Variants in CPEB1 observed in about 807,000 individuals in gnomAD.
The protein encoded by CPEB1 is cytoplasmic polyadenylation element-binding protein 1.
Under a neutral mutation model 65.8 loss-of-function variants are expected in CPEB1, and 7 were observed. That is an observed-to-expected ratio of 0.11 (90% CI 0.06 to 0.20). The LOEUF is 0.20. CPEB1 is among the 10% of genes least tolerant of loss of function. CPEB1 has a pLI of 1.00. For synonymous variants in CPEB1, 262 were observed against 260.0 expected (o/e 1.01, Z -0.08); for missense variants, 551 against 712.2 (o/e 0.77, Z 2.58).
chr15:82,571,397 C>T lies in CPEB1; in HGVS notation c.407G>A (p.Arg136Gln), dbSNP rs1266113402. ...ATCTGAGTCCTGGGTGCTCCAGGGT[C>T]GGTCCCAGCCTGTCAGACTGAGGGA... Reference protein sequence around the residue: ...LQSLSLTGWDRPWSTQDSDSS... With the variant: ...LQSLSLTGWDQPWSTQDSDSS... The change falls in exon 4 of 13, where the codon CGA (arginine) becomes CAA (glutamine). Residue 136 changes from arginine to glutamine, a missense_variant. Physicochemically the swap from Arg to Gln is conservative, Grantham distance 43. This residue lies in a region of CPEB1 where 223 missense variants were observed against 228.6 expected (regional missense o/e 0.98). Coordinates refer to ENST00000684509, the MANE Select transcript of CPEB1 (RefSeq NM_001365242.1). 4.3e-6 allele frequency: 7 copies of T among 1,614,102 alleles called. No homozygotes were observed. The South Asian group carries it at 5.5e-5, about 13-fold the overall frequency.
chr15:82,544,386 C>A lies in CPEB1; in HGVS notation c.*206G>T. On this transcript the variant is annotated 3_prime_UTR_variant, in exon 13 of 13. Transcript: ENST00000684509. ...AGCCAGAGGGTCCTTGCCCTTGGTA[C>A]ACCCCCTGAAAACAAAACCTGACAA... 1.6e-5 allele frequency: 7 copies of A among 424,972 alleles called. No homozygotes were observed. The highest frequency in any genetic ancestry group is 2.6e-5 in the Non-Finnish European group (6 of 234,288). 26.3% of individuals were successfully genotyped at this position (424,972 alleles called of 1,614,324 possible).
intron 4 of CPEB1, among the ~76,000 whole-genome samples, chr15:82,569,259 C>T (rs944493865): frequency 3.9e-5 from 6 of 152,266 alleles, no homozygotes; most frequent in East Asian, 3.9e-4. Flanking sequence ...TCCAAGAAGG[C>T]CCAGAGCCCA....
chr15:82,572,915 A>G, intron 3 of CPEB1: 1 of 967,712 alleles, frequency 1.0e-6, no homozygotes, highest in South Asian at 2.2e-5. Flanking sequence ...CTCCTCCCAC[A>G]TCGGTCCTTT....
At chr15:82,629,801 C>G (rs915140434) in intron 1 of CPEB1, 12 of 985,250 alleles carry the variant, frequency 1.2e-5, no homozygotes, top group African/African-American at 1.7e-5. Flanking sequence ...GTTTGGCCTA[C>G]TAAAATCCAA....
At chr15:82,562,154 C>CTTT in intron 4 of CPEB1, 8 of 415,618 alleles carry the variant, frequency 1.9e-5, no homozygotes, top group East Asian at 7.4e-5. Context: ...TCACTAGCTA[C>CTTT]TTTTTTTTTT....
At chr15:82,614,377 T>C (rs2044485929) in intron 3 of CPEB1, among the ~76,000 whole-genome samples, 1 of 152,182 alleles carries the variant, frequency 6.6e-6, no homozygotes, top group Non-Finnish European at 1.5e-5. Context: ...AATATACAGG[T>C]GTTTTATGCA....
At chr15:82,621,620 G>GAAA (rs35287218) in intron 3 of CPEB1, among the ~76,000 whole-genome samples, 2 of 130,460 alleles carry the variant, frequency 1.5e-5, no homozygotes, top group Non-Finnish European at 3.3e-5. Flanking sequence ...CTCCATCTCA[G>GAAA]AAAAAAAAAA....
rs115602285 is a variant in CPEB1 at position 82,635,963 on chromosome 15, C to T, written c.-97-7407G>A. On this transcript the variant is annotated intron_variant, in intron 1 of 12. Coordinates refer to ENST00000684509, the MANE Select transcript of CPEB1 (RefSeq NM_001365242.1). ...GACAGGAAGGCTCACCAGGAATAAA[C>T]GAGATAAAGCTACAGGTCCTAACCT... Among the ~76,000 whole-genome samples, 261 of 152,212 alleles carry T rather than the reference C, an allele frequency of 1.7e-3. 1 individual carries two copies. Among genetic ancestry groups the T allele is most frequent in the African/African-American group, 6.1e-3 (253 of 41,536 alleles).
At chr15:82,568,908 A>C (rs193107680) in intron 4 of CPEB1, among the ~76,000 whole-genome samples, 1 of 152,320 alleles carries the variant, frequency 6.6e-6, no homozygotes, top group East Asian at 1.9e-4. Flanking sequence ...CTCATTACTT[A>C]AGAGTGGTAG....
At chr15:82,597,469 C>T (rs1314563622) in intron 3 of CPEB1, among the ~76,000 whole-genome samples, 3 of 152,074 alleles carry the variant, frequency 2.0e-5, no homozygotes, top group African/African-American at 4.8e-5. Flanking sequence ...ATTACAGAAG[C>T]GAGAAACAAA....
At chr15:82,646,941 T>G (rs1364111055) in intron 1 of CPEB1, 196 bp downstream of exon 1, 1 of 152,384 alleles carries the variant, frequency 6.6e-6, no homozygotes, top group Non-Finnish European at 1.5e-5. Context: ...CCGCCAAACC[T>G]GAGGCCGCCC....
chr15:82,591,827 T>C (rs2042279294), intron 3 of CPEB1, among the ~76,000 whole-genome samples: 1 of 151,990 alleles, frequency 6.6e-6, no homozygotes, highest in South Asian at 2.1e-4. Flanking sequence ...ATCATTGTTT[T>C]AGTTTGTATC....
Position 82,558,379 on chromosome 15 carries a change from C to T in CPEB1, c.461-393G>A, listed in dbSNP as rs182746911. On this transcript the variant is annotated intron_variant, in intron 4 of 12. Transcript: ENST00000684509. ...ACCATACTTCATCTTTACTGCCTGA[C>T]GATTTGTTTATTAGAAGAATTCTCA... Among the ~76,000 whole-genome samples the T allele has an allele frequency of 9.2e-5, 14 of 152,268 alleles. No homozygotes were observed. The East Asian group carries it at 1.5e-3, about 17-fold the overall frequency.
chr15:82,613,752 G>A (rs543571863), intron 3 of CPEB1, among the ~76,000 whole-genome samples: 9 of 152,286 alleles, frequency 5.9e-5, no homozygotes, highest in Admixed American at 5.2e-4. Context: ...ATTTAAAGGA[G>A]AAATGCTAAG....
chr15:82,562,331 C>G (rs2038369761), intron 4 of CPEB1: 1 of 403,926 alleles, frequency 2.5e-6, no homozygotes, highest in Admixed American at 3.3e-5. Flanking sequence ...TAGGGCCTTG[C>G]CACTACAGGA....
intron 3 of CPEB1, among the ~76,000 whole-genome samples, chr15:82,591,184 ATTAT>A (rs1335230767): frequency 1.3e-5 from 2 of 152,012 alleles, no homozygotes; most frequent in Admixed American, 6.6e-5. Context: ...ACCAGCATCT[ATTAT>A]TTAACTTTTT....
chr15:82,647,443 G>T (rs2047669519), upstream of CPEB1: 1 of 165,144 alleles, frequency 6.1e-6, no homozygotes, highest in Non-Finnish European at 1.3e-5. Flanking sequence ...AGACCCGCAG[G>T]GGGCGTGAGC....
chr15:82,591,958 C>T (rs1257799042), intron 3 of CPEB1, among the ~76,000 whole-genome samples: 1 of 151,828 alleles, frequency 6.6e-6, no homozygotes, highest in East Asian at 1.9e-4. Context: ...ATCCTCCCAC[C>T]TCACCCTTCT....
chr15:82,573,049 T>C lies in CPEB1; in HGVS notation c.272-1517A>G, dbSNP rs1241220222. ...CTGGTAGCACTCCACCTGCTTGTTC[T>C]CCCCTGTTGCAAGGAGAAGCAAGCA... On this transcript the variant is annotated intron_variant, in intron 3 of 12. Coordinates refer to ENST00000684509, the MANE Select transcript of CPEB1 (RefSeq NM_001365242.1). 6.5e-6 allele frequency: 10 copies of C among 1,535,168 alleles called. No homozygotes were observed. The Middle Eastern group carries it at 5.0e-4, about 77-fold the overall frequency.
Sources: allele counts gnomAD v4.1 joint callset (sites outside exome capture counted in the v4.1 genomes callset), GRCh38; gene constraint gnomAD v4.1.1; regional missense constraint gnomAD v4.1.1; transcripts MANE v1.5; gene names NCBI Gene and HGNC (gene_info 2026-07-23, HGNC 2026-07-21).